Variants in RAB38 observed in about 807,000 individuals in gnomAD.
RAB38 encodes RAB38, member RAS oncogene family, also known as ras-related protein Rab-38.
Under a neutral mutation model 18.4 loss-of-function variants are expected in RAB38, and 15 were observed. The ratio of observed to expected loss-of-function variants is 0.82; its 90% CI spans 0.55 to 1.26. RAB38 has a LOEUF of 1.26. RAB38 is among the 50% of genes most tolerant of loss of function. The probability of loss-of-function intolerance (pLI) is 0.00; values close to 1 mark genes in which losing one functional copy is unlikely to be tolerated. For missense variants in RAB38, 294 were observed against 267.4 expected (o/e 1.10, Z -0.69); for synonymous variants, 101 against 104.4 (o/e 0.97, Z 0.20).
the RAB38 span, among the ~76,000 whole-genome samples, chr11:88,025,281 T>C: frequency 9.2e-5 from 14 of 151,836 alleles, no homozygotes; most frequent in South Asian, 4.2e-4. Context: ...CAATCCATCA[T>C]TGATGGGCAC....
rs554141431 is a variant in RAB38, at chr11:88,129,790, G to T, written c.484-15650C>A. On this transcript the variant is annotated intron_variant, in intron 2 of 2. Transcript: ENST00000243662. ...GATACACACATATTTCTTATTGAAT[G>T]AAACAGAACAAAAATGTTAACAGTT... Among the ~76,000 whole-genome samples the T allele has an allele frequency of 2.6e-5, 4 of 152,250 alleles. No individual in the cohort carries two copies. In the East Asian group the frequency reaches 7.7e-4, roughly 29 times the overall value.
the RAB38 span, among the ~76,000 whole-genome samples, chr11:87,826,998 TA>T: frequency 6.6e-6 from 1 of 152,170 alleles, no homozygotes; most frequent in Admixed American, 6.6e-5. Context: ...CCTGTGTGGA[TA>T]TCATGGTATT....
At chr11:88,023,494 A>G in the RAB38 span, among the ~76,000 whole-genome samples, 1 of 152,124 alleles carries the variant, frequency 6.6e-6, no homozygotes, top group African/African-American at 2.4e-5. Context: ...TACAGATTCA[A>G]TTAATTCCCT....
chr11:87,977,750 T>C, the RAB38 span, among the ~76,000 whole-genome samples: 1 of 2,344 alleles, frequency 4.3e-4, no homozygotes, highest in South Asian at 4.9e-3. Flanking sequence ...TATTCTATAA[T>C]ATATATATAT....
chr11:87,868,739 C>G, the RAB38 span, among the ~76,000 whole-genome samples: 1 of 151,652 alleles, frequency 6.6e-6, no homozygotes, highest in Non-Finnish European at 1.5e-5. Flanking sequence ...AGGAAGGATG[C>G]TAGTTGTTGG....
chr11:87,934,894 C>T, the RAB38 span, among the ~76,000 whole-genome samples: 2 of 151,894 alleles, frequency 1.3e-5, no homozygotes, highest in Non-Finnish European at 2.9e-5. Context: ...GATGGGGCAG[C>T]GATGAGATGG....
the RAB38 span, among the ~76,000 whole-genome samples, chr11:87,893,919 A>C: frequency 6.6e-6 from 1 of 151,654 alleles, no homozygotes; most frequent in Non-Finnish European, 1.5e-5. Flanking sequence ...TTCCATATGA[A>C]TCTTAGGATT....
intron 2 of RAB38, among the ~76,000 whole-genome samples, chr11:88,122,035 A>G (rs751464297): frequency 1.3e-5 from 2 of 152,188 alleles, no homozygotes; most frequent in African/African-American, 2.4e-5. Context: ...TTATTTATTT[A>G]TTTTTATGTG....
At chr11:87,817,525 G>C in the RAB38 span, 1 of 152,078 alleles carries the variant, frequency 6.6e-6, no homozygotes, top group Non-Finnish European at 1.5e-5. Context: ...TTATGAGCTT[G>C]CTTCCTGGAT....
the RAB38 span, among the ~76,000 whole-genome samples, chr11:87,865,661 A>C: frequency 6.6e-6 from 1 of 151,678 alleles, no homozygotes; most frequent in African/African-American, 2.4e-5. Context: ...ATACATGATC[A>C]AGAAAGGAGG....
At position 88,141,791 on chromosome 11, in the gene RAB38, G is replaced by A. The variant is rs185093618; in HGVS notation, c.483+7884C>T. Among the ~76,000 whole-genome samples, 185 of 152,278 alleles carry A rather than the reference G, an allele frequency of 1.2e-3. 2 individuals are homozygous for A. The highest frequency in any genetic ancestry group is 4.1e-3 in the African/African-American group (169 of 41,564). Reference sequence around the variant, plus strand: ...CTCAACTCCATGCCTTTCACGTGCTGTTTCCTCTGCCTAGAATACCTTTCT... The same window carrying A: ...CTCAACTCCATGCCTTTCACGTGCTATTTCCTCTGCCTAGAATACCTTTCT... On this transcript the variant is annotated intron_variant, in intron 2 of 2. Transcript: ENST00000243662.
At chr11:88,161,775 T>C (rs1393660440) in intron 1 of RAB38, among the ~76,000 whole-genome samples, 2 of 152,108 alleles carry the variant, frequency 1.3e-5, no homozygotes, top group Non-Finnish European at 2.9e-5. Flanking sequence ...TGCATATCTG[T>C]TGTAACAAGT....
chr11:87,922,747 G>C, the RAB38 span, among the ~76,000 whole-genome samples: 38,037 of 151,488 alleles, frequency 0.25, 5,221 homozygotes, highest in Admixed American at 0.38. Flanking sequence ...GGAACATGTT[G>C]ACACTCAGTA....
chr11:87,875,648 T>C, the RAB38 span, among the ~76,000 whole-genome samples: 7 of 151,690 alleles, frequency 4.6e-5, no homozygotes, highest in African/African-American at 1.7e-4. Flanking sequence ...TTTCTAGTAA[T>C]TTAATAATTT....
At chr11:87,820,076 A>AG in the RAB38 span, among the ~76,000 whole-genome samples, 1 of 152,178 alleles carries the variant, frequency 6.6e-6, no homozygotes, top group African/African-American at 2.4e-5. Context: ...GCTCTCAGGG[A>AG]AGTAAGCAGT....
the RAB38 span, among the ~76,000 whole-genome samples, chr11:88,045,239 T>C: frequency 6.6e-6 from 1 of 152,104 alleles, no homozygotes; most frequent in Non-Finnish European, 1.5e-5. Context: ...CTCCAAAAAT[T>C]AAATTCCGGC....
At chr11:88,059,204 G>A in the RAB38 span, among the ~76,000 whole-genome samples, 3 of 152,206 alleles carry the variant, frequency 2.0e-5, no homozygotes, top group Non-Finnish European at 2.9e-5. Context: ...GCTTAGTTCA[G>A]TGGATGGGAA....
the RAB38 span, among the ~76,000 whole-genome samples, chr11:87,967,056 C>A: frequency 6.6e-6 from 1 of 152,314 alleles, no homozygotes; most frequent in East Asian, 1.9e-4. Context: ...TGAATATTAA[C>A]TTGGAGAGGA....
the RAB38 span, among the ~76,000 whole-genome samples, chr11:88,019,018 C>A: frequency 6.6e-6 from 1 of 151,932 alleles, no homozygotes. Flanking sequence ...TCACTGACCA[C>A]TTCTTTTCTA....
Sources: allele counts gnomAD v4.1 joint callset (sites outside exome capture counted in the v4.1 genomes callset), GRCh38; gene constraint gnomAD v4.1.1; transcripts MANE v1.5; gene names NCBI Gene and HGNC (gene_info 2026-07-23, HGNC 2026-07-21).